Variants in PPIL6 observed in about 807,000 individuals in gnomAD.
PPIL6 encodes probable inactive peptidyl-prolyl cis-trans isomerase-like 6.
PPIL6 carries 39 observed loss-of-function variants against 36.8 expected under a neutral mutation model. That is an observed-to-expected ratio of 1.06 (90% CI 0.82 to 1.38). PPIL6 has a LOEUF of 1.38. PPIL6 is among the 40% of genes most tolerant of loss of function. PPIL6 has a pLI of 0.00. For synonymous variants in PPIL6, 123 were observed against 134.1 expected (o/e 0.92, Z 0.57); for missense variants, 368 against 379.1 (o/e 0.97, Z 0.24).
chr6:109,404,143 G>C (rs934019708), intron 6 of PPIL6, among the ~76,000 whole-genome samples: 1 of 152,204 alleles, frequency 6.6e-6, no homozygotes, highest in African/African-American at 2.4e-5. Flanking sequence ...ATTCTATCTG[G>C]AGAGCAGATA....
intron 1 of PPIL6, 103 bp downstream of exon 1, chr6:109,440,353 C>T: frequency 7.2e-7 from 1 of 1,380,538 alleles, no homozygotes; most frequent in East Asian, 2.7e-5. Context: ...GCCGGTGGGG[C>T]CTCGACCCCC....
chr6:109,399,193 T>C (rs1772424736), intron 7 of PPIL6, among the ~76,000 whole-genome samples: 1 of 151,072 alleles, frequency 6.6e-6, no homozygotes, highest in South Asian at 2.1e-4. Context: ...CTGCAACCTC[T>C]GCCTCCTGGG....
chr6:109,430,970 C>T (rs181958595), intron 3 of PPIL6, among the ~76,000 whole-genome samples, 187 bp downstream of exon 3: 1 of 152,314 alleles, frequency 6.6e-6, no homozygotes, highest in Admixed American at 6.5e-5. Flanking sequence ...AGCCCACGGG[C>T]TGTGAGACAC....
chr6:109,429,187 C>T (rs1303838257), intron 3 of PPIL6, among the ~76,000 whole-genome samples: 1 of 152,210 alleles, frequency 6.6e-6, no homozygotes, highest in Non-Finnish European at 1.5e-5. Flanking sequence ...ATCCTCTATC[C>T]TCACTGCCAC....
rs1427623999 is a variant in PPIL6, at chr6:109,440,484, T to C, written c.107A>G (p.Asn36Ser). The C allele has an allele frequency of 2.1e-5, 32 of 1,539,524 alleles. No homozygotes were observed. The highest frequency in any genetic ancestry group is 7.9e-5 in the Admixed American group (4 of 50,378). ...VKVVGLFSCP[N>S]FQIAKSAAEN... The stretch of plus-strand genomic sequence containing the variant: ...AGCGGCGCTCTTCGCAATCTGAAAG[T>C]TGGGGCAGCTGAAGAGCCCCACCAC... Residue 36 changes from asparagine (N) to serine (S), a missense_variant, in exon 1 of 8, where the codon AAC (asparagine) becomes AGC (serine). Asn to Ser is a conservative substitution (Grantham distance 46, BLOSUM62 1). Transcript: ENST00000521072.
chr6:109,418,682 G>A (rs982052283), intron 6 of PPIL6, among the ~76,000 whole-genome samples: 1 of 151,920 alleles, frequency 6.6e-6, no homozygotes, highest in Non-Finnish European at 1.5e-5. Flanking sequence ...GAGGATCTGG[G>A]AGGCGTGCGC....
chr6:109,413,935 G>A lies in PPIL6; in HGVS notation c.688+5252C>T, dbSNP rs912219199. Among the ~76,000 whole-genome samples the A allele has an allele frequency of 2.6e-5, 4 of 152,204 alleles. No individual in the cohort carries two copies. Among genetic ancestry groups the A allele is most frequent in the South Asian group, 2.1e-4 (1 of 4,826 alleles). ...TCAAAACAAATAAAATCATGGAGAC[G>A]AGAGTAGAAGGATGGTTACCAGAAA... On this transcript the variant is annotated intron_variant, in intron 6 of 7. Transcript: ENST00000521072. This position sits in a 1 kb window ranked among gnomAD's most constrained non-coding sequence, Gnocchi z 4.6.
At position 109,392,840 on chromosome 6, in the gene PPIL6, C is replaced by T. The variant is rs2115188368; in HGVS notation, c.922G>A (p.Asp308Asn). Residue 308 changes from aspartate (D) to asparagine (N), a missense_variant, in exon 8 of 8, where the codon GAT becomes AAT. Coordinates refer to ENST00000521072, the MANE Select transcript of PPIL6 (RefSeq NM_173672.5). ...TGATATGAAAATCAAGCATAAGGAT[C>T]TCCACTGTCAGTAATTCTACACATA... The part of the protein sequence containing the change: ...IHMCRITDSG[D>N]PYA The T allele has an allele frequency of 6.5e-7, 1 of 1,550,048 alleles. No homozygotes were observed. Among genetic ancestry groups the T allele is most frequent in the Non-Finnish European group, 8.9e-7 (1 of 1,129,540 alleles).
intron 6 of PPIL6, among the ~76,000 whole-genome samples, chr6:109,416,161 A>G (rs1773240395): frequency 6.8e-6 from 1 of 148,004 alleles, no homozygotes; most frequent in South Asian, 2.2e-4. Context: ...GCCTTAAATG[A>G]TAGTGCTTGC....
At chr6:109,418,548 C>CTT (rs796535898) in intron 6 of PPIL6, among the ~76,000 whole-genome samples, 4 of 135,928 alleles carry the variant, frequency 2.9e-5, no homozygotes, top group Non-Finnish European at 4.8e-5. Flanking sequence ...ATCTTTTTTT[C>CTT]TTTTTTTTTT....
chr6:109,392,581 C>G lies in PPIL6; in HGVS notation c.*245G>C. 1 of 422,962 alleles carries G rather than the reference C, an allele frequency of 2.4e-6. No homozygotes were observed. The highest frequency in any genetic ancestry group is 3.8e-5 in the South Asian group (1 of 26,102). 26.2% of individuals were successfully genotyped at this position (422,962 alleles called of 1,614,324 possible). A position where few individuals can be genotyped will look rare whatever the true frequency, so the allele number is the denominator to read the frequency against. The stretch of plus-strand genomic sequence containing the variant: ...TGGCGTTCTATTCCTGTCCCACTGG[C>G]CAGAACCATCTCTCATGGCCACCCG... On this transcript the variant is annotated 3_prime_UTR_variant, in exon 8 of 8. Coordinates refer to ENST00000521072, the MANE Select transcript of PPIL6 (RefSeq NM_173672.5).
intron 2 of PPIL6, 90 bp downstream of exon 2, chr6:109,436,014 A>C (rs1043027219): frequency 2.6e-6 from 2 of 767,284 alleles, no homozygotes; most frequent in Non-Finnish European, 2.3e-6. Context: ...CACTAAAATT[A>C]CTCTTTCAGT....
chr6:109,411,330 G>T (rs1773004154), intron 6 of PPIL6, among the ~76,000 whole-genome samples: 1 of 152,154 alleles, frequency 6.6e-6, no homozygotes, highest in Admixed American at 6.5e-5. Flanking sequence ...ACACAGGTCA[G>T]GCATTAAAGG....
At chr6:109,420,662 A>G (rs1014224373) in intron 5 of PPIL6, among the ~76,000 whole-genome samples, 3 of 152,202 alleles carry the variant, frequency 2.0e-5, no homozygotes, top group Admixed American at 2.0e-4. Context: ...CCCCATCAGT[A>G]TCTGTCTACT....
intron 3 of PPIL6, among the ~76,000 whole-genome samples, chr6:109,429,123 A>G (rs1042247191): frequency 2.6e-5 from 4 of 152,168 alleles, no homozygotes; most frequent in Non-Finnish European, 2.9e-5. Context: ...TTCAGGAAGA[A>G]AAGTCCACCC....
At chr6:109,422,935 A>G (rs1029790121) in intron 5 of PPIL6, among the ~76,000 whole-genome samples, 1 of 152,200 alleles carries the variant, frequency 6.6e-6, no homozygotes, top group Non-Finnish European at 1.5e-5. Context: ...TACTACTTTC[A>G]TTCATATCTC....
At chr6:109,439,738 C>A (rs565497639) in intron 1 of PPIL6, among the ~76,000 whole-genome samples, 1 of 152,152 alleles carries the variant, frequency 6.6e-6, no homozygotes, top group African/African-American at 2.4e-5. Flanking sequence ...TGAGCTTCGG[C>A]GAGAAGTTTG....
At chr6:109,440,143 T>A (rs1439700671) in intron 1 of PPIL6, 3 of 416,542 alleles carry the variant, frequency 7.2e-6, no homozygotes, top group Non-Finnish European at 4.5e-6. Context: ...TAGAACAAAA[T>A]CTGCGGGTGT....
At chr6:109,439,894 T>C (rs1180553164) in intron 1 of PPIL6, among the ~76,000 whole-genome samples, 2 of 152,158 alleles carry the variant, frequency 1.3e-5, no homozygotes, top group East Asian at 3.9e-4. Context: ...CTCAAGTGCT[T>C]TTCCTTTAGT....
Sources: gnomAD v4.1 joint callset for allele counts (sites outside exome capture counted in the v4.1 genomes callset) on GRCh38, gnomAD v4.1.1 for gene constraint, Gnocchi (gnomAD v3.1) non-coding constraint, MANE v1.5 for transcripts, NCBI Gene and HGNC (gene_info 2026-07-23, HGNC 2026-07-21) for gene names.